Variants in LTBP1 observed in about 807,000 individuals in gnomAD.
LTBP1 encodes latent transforming growth factor beta binding protein 1, also known as latent-transforming growth factor beta-binding protein 1.
In LTBP1, 129 loss-of-function variants were observed where a neutral mutation model predicts 207.6. The observed-to-expected ratio is 0.62, with a 90% CI of 0.54 to 0.72. The LOEUF is 0.72. LTBP1 is among the 30% of genes least tolerant of loss of function. The pLI, the probability that LTBP1 is intolerant of heterozygous loss-of-function variation, is 0.00. For synonymous variants in LTBP1, 963 were observed against 833.7 expected, an observed-to-expected ratio of 1.16 and a Z score of -2.67; for missense variants, 2,281 against 2,217.2, an observed-to-expected ratio of 1.03 and a Z score of -0.58.
chr2:33,008,488 T>C (rs889204132), intron 2 of LTBP1, among the ~76,000 whole-genome samples: 2 of 152,198 alleles, frequency 1.3e-5, no homozygotes, highest in African/African-American at 2.4e-5. Flanking sequence ...AAGTATAATA[T>C]GGTATAAACA....
intron 4 of LTBP1, among the ~76,000 whole-genome samples, chr2:33,123,667 C>T (rs1248567277): frequency 2.0e-5 from 3 of 152,152 alleles, no homozygotes; most frequent in Non-Finnish European, 4.4e-5. Context: ...GAATTGTATT[C>T]TTGTTATCAA....
intron 5 of LTBP1, among the ~76,000 whole-genome samples, chr2:33,165,460 A>G (rs1047360894): frequency 2.6e-5 from 4 of 152,280 alleles, no homozygotes; most frequent in African/African-American, 9.6e-5. Flanking sequence ...TTATAGGACC[A>G]TAAAAACTTA....
At chr2:33,013,292 G>A (rs1315455027) in intron 2 of LTBP1, among the ~76,000 whole-genome samples, 1 of 151,946 alleles carries the variant, frequency 6.6e-6, no homozygotes, top group African/African-American at 2.4e-5. Flanking sequence ...TTGTTTTAGT[G>A]TTCATCTCTT....
At chr2:33,051,425 G>GA (rs371385015) in intron 3 of LTBP1, among the ~76,000 whole-genome samples, 6 of 151,500 alleles carry the variant, frequency 4.0e-5, no homozygotes, top group African/African-American at 1.2e-4. Context: ...TCTAAAATAA[G>GA]AAAAAAAACA....
chr2:32,948,827 GA>G, intron 1 of LTBP1, 47 bp from the exon 2 acceptor site: 1 of 1,547,048 alleles, frequency 6.5e-7, no homozygotes, highest in Non-Finnish European at 8.9e-7. Context: ...GGGTTCTTGG[GA>G]AGGGGGTCTT....
At chr2:33,016,641 C>T (rs1366817514) in intron 2 of LTBP1, among the ~76,000 whole-genome samples, 1 of 152,142 alleles carries the variant, frequency 6.6e-6, no homozygotes, top group Admixed American at 6.5e-5. Flanking sequence ...CTCCACTCAG[C>T]CTCCACTCAT....
chr2:33,326,768 C>A (rs1271083404), intron 24 of LTBP1, among the ~76,000 whole-genome samples: 1 of 151,962 alleles, frequency 6.6e-6, no homozygotes, highest in South Asian at 2.1e-4. Flanking sequence ...AAGCGATTCT[C>A]CTGCCTCAGC....
At chr2:33,085,193 C>T (rs185216697) in intron 3 of LTBP1, among the ~76,000 whole-genome samples, 15 of 152,200 alleles carry the variant, frequency 9.9e-5, no homozygotes, top group Admixed American at 9.2e-4. Context: ...TTAGAGCTGC[C>T]AGAGGGAGTG....
chr2:33,269,049 A>G (rs1266867277), intron 15 of LTBP1, among the ~76,000 whole-genome samples: 2 of 152,220 alleles, frequency 1.3e-5, no homozygotes, highest in Non-Finnish European at 2.9e-5. Flanking sequence ...CGGATAGAAA[A>G]TGAACTCTTT....
intron 3 of LTBP1, among the ~76,000 whole-genome samples, chr2:33,065,634 C>A (rs760075604): frequency 6.6e-6 from 1 of 151,896 alleles, no homozygotes; most frequent in Non-Finnish European, 1.5e-5. Context: ...ATTTGTGGAC[C>A]CTTTTTAAAG....
intron 3 of LTBP1, among the ~76,000 whole-genome samples, chr2:33,049,060 TA>T (rs1463219035): frequency 6.6e-6 from 1 of 152,162 alleles, no homozygotes; most frequent in Non-Finnish European, 1.5e-5. Context: ...AAGTAACCTT[TA>T]AAAAAATCTG....
At chr2:33,150,704 C>CTTTTTTTTTTTTTTTTTTTTTT (rs1211013076) in intron 5 of LTBP1, among the ~76,000 whole-genome samples, 2 of 108,840 alleles carry the variant, frequency 1.8e-5, no homozygotes, top group African/African-American at 7.0e-5. Flanking sequence ...TTTCTTTTTT[C>CTTTTTTTTTTTTTTTTTTTTTT]TTTTTCTTTT....
At chr2:32,976,618 G>T (rs1367948989) in intron 2 of LTBP1, among the ~76,000 whole-genome samples, 2 of 152,194 alleles carry the variant, frequency 1.3e-5, no homozygotes, top group African/African-American at 4.8e-5. Flanking sequence ...TACCTAGTTT[G>T]TTCCGGTGCC....
At chr2:33,196,123 T>G (rs549663740) in intron 7 of LTBP1, among the ~76,000 whole-genome samples, 2 of 152,270 alleles carry the variant, frequency 1.3e-5, no homozygotes. Flanking sequence ...GTGAGTCGCT[T>G]TATTGTGATA....
chr2:33,145,465 A>C (rs74328841), intron 5 of LTBP1, among the ~76,000 whole-genome samples: 10 of 152,218 alleles, frequency 6.6e-5, no homozygotes, highest in African/African-American at 9.6e-5. Context: ...AGTTTACTAC[A>C]GTGAGGAAAG....
chr2:33,215,629 A>T (rs2090613874), intron 7 of LTBP1, among the ~76,000 whole-genome samples: 1 of 150,988 alleles, frequency 6.6e-6, no homozygotes, highest in African/African-American at 2.4e-5. Context: ...TGTCCTTCTG[A>T]GGGCCACCAC....
chr2:33,147,050 A>C (rs2083112093), intron 5 of LTBP1, among the ~76,000 whole-genome samples: 1 of 152,224 alleles, frequency 6.6e-6, no homozygotes, highest in Non-Finnish European at 1.5e-5. Context: ...GTAGGATATA[A>C]TTAGTAACTC....
At chr2:33,354,337 A>C (rs189703405) in intron 26 of LTBP1, among the ~76,000 whole-genome samples, 3 of 152,296 alleles carry the variant, frequency 2.0e-5, no homozygotes, top group African/African-American at 7.2e-5. Context: ...GGTAGGAAAA[A>C]AATATTAAAG....
rs368863622 is a variant in LTBP1 at position 33,251,900 on chromosome 2, G to A, written c.2000-777G>A. Among the ~76,000 whole-genome samples, 13 of 152,234 alleles carry A rather than the reference G, an allele frequency of 8.5e-5. No individual in the cohort carries two copies. In the East Asian group the frequency reaches 1.4e-3, roughly 16 times the overall value. On this transcript the variant is annotated intron_variant, in intron 10 of 33. Transcript: ENST00000404816. ...ATGAACTTCTTGAAGGCAGGGCTGT[G>A]TTTTGCTGATTTTCATATTTGCCAT... is the stretch of plus-strand genomic sequence containing the variant.
Sources: allele counts gnomAD v4.1 joint callset (sites outside exome capture counted in the v4.1 genomes callset), GRCh38; gene constraint gnomAD v4.1.1; transcripts MANE v1.5; gene names NCBI Gene and HGNC (gene_info 2026-07-23, HGNC 2026-07-21).